UIMC1: variants seen among roughly 807,000 people sequenced by gnomAD.
UIMC1 encodes the protein ubiquitin interaction motif containing 1, also known as BRCA1-A complex subunit RAP80.
UIMC1 carries 42 observed loss-of-function variants against 84.9 expected under a neutral mutation model. That is an observed-to-expected ratio of 0.49 (90% CI 0.39 to 0.64). The LOEUF (loss-of-function observed/expected upper bound fraction) is 0.64, where lower values mean the gene tolerates loss of function less well. Among genes scored for constraint, UIMC1 ranks in the 30% least tolerant of loss-of-function variants. The pLI is 0.00. For synonymous variants in UIMC1, 281 were observed against 293.0 expected (o/e 0.96, Z 0.42); for missense variants, 825 against 847.6 (o/e 0.97, Z 0.33).
At position 176,995,375 on chromosome 5, in the gene UIMC1, C is replaced by T. The variant is rs570148775; in HGVS notation, c.-9+11275G>A. Among the ~76,000 whole-genome samples, 6 of 151,502 alleles carry T rather than the reference C, an allele frequency of 4.0e-5. No homozygotes were observed. In the Admixed American group the frequency reaches 4.0e-4, roughly 10 times the overall value. On this transcript the variant is annotated intron_variant, in intron 1 of 14. Transcript: ENST00000511320. The stretch of plus-strand genomic sequence containing the variant: ...ACCAGCCTGGCCAACACAGTGAAAC[C>T]CCGTCTTTACTAAAAATGCAAAAAT...
At chr5:176,979,847 A>G (rs1469999176) in intron 2 of UIMC1, among the ~76,000 whole-genome samples, 1 of 152,170 alleles carries the variant, frequency 6.6e-6, no homozygotes, top group East Asian at 1.9e-4. Context: ...AGAAATACCC[A>G]GAGAACTAGT....
At chr5:176,970,689 T>G (rs1237614630) in intron 4 of UIMC1, 53 bp downstream of exon 4, 1 of 1,612,806 alleles carries the variant, frequency 6.2e-7, no homozygotes, top group Non-Finnish European at 8.5e-7. Flanking sequence ...ACCACAGAAG[T>G]CAAAAATATA....
chr5:176,969,886 A>C, intron 4 of UIMC1, 180 bp from the exon 5 acceptor site: 1 of 596,634 alleles, frequency 1.7e-6, no homozygotes, highest in Non-Finnish European at 2.9e-6. Flanking sequence ...GTTGTACTAG[A>C]TCACTATACT....
At position 177,002,746 on chromosome 5, in the gene UIMC1, G is replaced by A. The variant is rs1035691283; in HGVS notation, c.-9+3904C>T. On this transcript the variant is annotated intron_variant, in intron 1 of 14. Transcript: ENST00000511320. ...CCAGGAGGCGGAGCTTGCAGTGAGCGGAGATCGTGCCACTGCACTCCAGCT... is the reference window on the plus strand; with the variant it reads ...CCAGGAGGCGGAGCTTGCAGTGAGCAGAGATCGTGCCACTGCACTCCAGCT... 1.1e-4 allele frequency among the ~76,000 whole-genome samples: 17 copies of A among 152,046 alleles called. No homozygotes were observed. In the East Asian group the frequency reaches 2.5e-3, roughly 23 times the overall value.
chr5:176,910,726 G>T (rs1015245377), intron 11 of UIMC1, among the ~76,000 whole-genome samples: 17 of 152,116 alleles, frequency 1.1e-4, no homozygotes, highest in African/African-American at 3.9e-4. Flanking sequence ...GGAGTGGGTG[G>T]CAGGATTGCT....
At chr5:176,955,848 A>T in intron 8 of UIMC1, 111 bp downstream of exon 8, 2 of 958,676 alleles carry the variant, frequency 2.1e-6, no homozygotes, top group Middle Eastern at 2.1e-4. Flanking sequence ...TACACGTATC[A>T]ATTACATACA....
intron 6 of UIMC1, among the ~76,000 whole-genome samples, chr5:176,959,703 G>T (rs1031152958): frequency 1.6e-5 from 2 of 123,664 alleles, no homozygotes; most frequent in African/African-American, 6.3e-5. Flanking sequence ...GCGACAGAGC[G>T]AGACTCCGTC....
At chr5:177,004,339 C>G (rs1266259487) in intron 1 of UIMC1, among the ~76,000 whole-genome samples, 1 of 152,030 alleles carries the variant, frequency 6.6e-6, no homozygotes, top group African/African-American at 2.4e-5. Flanking sequence ...TGAGATTTAG[C>G]CACATTAAAT....
chr5:176,907,015 AC>A, intron 13 of UIMC1, 98 bp downstream of exon 13: 1 of 1,254,666 alleles, frequency 8.0e-7, no homozygotes, highest in South Asian at 1.3e-5. Flanking sequence ...TCACGTGTGT[AC>A]CCAGATAACC....
chr5:177,014,698 CAATA>C (rs960633584), intron 1 of UIMC1, among the ~76,000 whole-genome samples: 12 of 151,626 alleles, frequency 7.9e-5, no homozygotes, highest in African/African-American at 2.7e-4. Flanking sequence ...AACTCCATCT[CAATA>C]AATAAATAAA....
intron 10 of UIMC1, among the ~76,000 whole-genome samples, chr5:176,921,011 G>A (rs1179263768): frequency 6.6e-6 from 1 of 152,136 alleles, no homozygotes; most frequent in East Asian, 1.9e-4. Context: ...TCTCTCAAAT[G>A]CTTTTTCTGT....
intron 1 of UIMC1, among the ~76,000 whole-genome samples, chr5:176,998,538 C>T (rs1317144104): frequency 2.0e-5 from 3 of 147,858 alleles, no homozygotes; most frequent in Admixed American, 6.9e-5. Flanking sequence ...GAGGCCAAGG[C>T]GGGCGGATCA....
At chr5:176,938,347 C>A (rs1205859890) in intron 10 of UIMC1, among the ~76,000 whole-genome samples, 1 of 151,872 alleles carries the variant, frequency 6.6e-6, no homozygotes, top group African/African-American at 2.4e-5. Flanking sequence ...CAATCACTAA[C>A]TTCTGTCTCT....
chr5:176,912,150 T>C (rs544775317), intron 10 of UIMC1, among the ~76,000 whole-genome samples: 247 of 152,344 alleles, frequency 1.6e-3, no homozygotes, highest in African/African-American at 5.7e-3. Flanking sequence ...TACGAGTAAC[T>C]TAGGTTGTGA....
At chr5:177,002,281 C>A (rs999088798) in intron 1 of UIMC1, among the ~76,000 whole-genome samples, 4 of 151,880 alleles carry the variant, frequency 2.6e-5, no homozygotes, top group Non-Finnish European at 5.9e-5. Context: ...GACAGTGAGA[C>A]CTTTTCCCAA....
chr5:177,006,062 C>A (rs353490), intron 1 of UIMC1, among the ~76,000 whole-genome samples: 1 of 152,050 alleles, frequency 6.6e-6, no homozygotes, highest in Non-Finnish European at 1.5e-5. Context: ...AACAAAACAG[C>A]AACCCGGCAC....
At chr5:176,997,271 C>T (rs1293791452) in intron 1 of UIMC1, among the ~76,000 whole-genome samples, 2 of 152,150 alleles carry the variant, frequency 1.3e-5, no homozygotes, top group Non-Finnish European at 2.9e-5. Context: ...CAACAACTCT[C>T]GTGTAGACAA....
rs541925109 is a variant in UIMC1 at position 176,970,581 on chromosome 5, C to A, written c.357+161G>T. 12 of 1,128,600 alleles carry A rather than the reference C, an allele frequency of 1.1e-5. No individual in the cohort carries two copies. The East Asian group carries it at 2.9e-4, about 27-fold the overall frequency. The allele number at this position is 1,128,600 out of a possible 1,614,324, so 69.9% of individuals were successfully genotyped here. A position where few individuals can be genotyped will look rare whatever the true frequency, so the allele number is the denominator to read the frequency against. ...AACAAAATACTTTAAATTGGGTTAACCAACAATTCAACACAGACTTTAAAA... is the reference window on the plus strand; with the variant it reads ...AACAAAATACTTTAAATTGGGTTAAACAACAATTCAACACAGACTTTAAAA... On this transcript the variant is annotated intron_variant, in intron 4 of 14. Transcript: ENST00000511320.
At chr5:176,928,976 G>A (rs1192210633) in intron 10 of UIMC1, among the ~76,000 whole-genome samples, 3 of 151,854 alleles carry the variant, frequency 2.0e-5, no homozygotes, top group African/African-American at 4.8e-5. Flanking sequence ...TTAATTGGCC[G>A]GGCGTGGTGG....
Sources: gnomAD v4.1 joint callset for allele counts (sites outside exome capture counted in the v4.1 genomes callset) on GRCh38, gnomAD v4.1.1 for gene constraint, MANE v1.5 for transcripts, NCBI Gene and HGNC (gene_info 2026-07-23, HGNC 2026-07-21) for gene names.